The following HERC4 variants were observed in gnomAD, a reference collection of about 807,000 sequenced individuals.
The protein encoded by HERC4 is probable E3 ubiquitin-protein ligase HERC4.
In HERC4, 28 loss-of-function variants were observed where a neutral mutation model predicts 124.3. The ratio of observed to expected loss-of-function variants is 0.23; its 90% CI spans 0.17 to 0.31. The LOEUF (loss-of-function observed/expected upper bound fraction) is 0.31, where lower values mean the gene tolerates loss of function less well. HERC4 is among the 10% of genes least tolerant of loss of function. The pLI is 1.00. For synonymous variants in HERC4, 407 were observed against 421.5 expected (o/e 0.97, Z 0.42); for missense variants, 713 against 1,229.3 (o/e 0.58, Z 6.28).
chr10:68,041,832 C>T (rs1238187507), intron 4 of HERC4, among the ~76,000 whole-genome samples: 1 of 151,952 alleles, frequency 6.6e-6, no homozygotes, highest in East Asian at 1.9e-4. Context: ...TTGGTCTTTC[C>T]CAAAGTAGTG....
chr10:67,936,487 T>C (rs1291785950), intron 21 of HERC4, among the ~76,000 whole-genome samples: 1 of 152,192 alleles, frequency 6.6e-6, no homozygotes, highest in Non-Finnish European at 1.5e-5. Flanking sequence ...AACTAAGCAT[T>C]TGTTGTGCAT....
intron 15 of HERC4, 68 bp downstream of exon 15, chr10:67,988,595 A>G: frequency 9.8e-7 from 1 of 1,018,832 alleles, no homozygotes. Flanking sequence ...GATTAATGTT[A>G]AAATGAACAG....
intron 9 of HERC4, chr10:68,010,962 A>G (rs996773314): frequency 1.2e-5 from 11 of 935,428 alleles, no homozygotes; most frequent in Non-Finnish European, 1.8e-5. Context: ...TGTTATTTCC[A>G]CCATATCTAT....
chr10:67,932,022 A>G (rs1204080235), intron 23 of HERC4, among the ~76,000 whole-genome samples: 2 of 151,960 alleles, frequency 1.3e-5, no homozygotes, highest in African/African-American at 4.8e-5. Context: ...CAGTGGCACA[A>G]TCTCAGCTCA....
At chr10:67,940,190 T>G (rs2032756964) in intron 20 of HERC4, among the ~76,000 whole-genome samples, 1 of 152,142 alleles carries the variant, frequency 6.6e-6, no homozygotes, top group South Asian at 2.1e-4. Context: ...CCTCCCAAAG[T>G]GCTAGGATTA....
intron 7 of HERC4, among the ~76,000 whole-genome samples, chr10:68,029,092 T>C (rs1346591163): frequency 6.6e-6 from 1 of 152,078 alleles, no homozygotes; most frequent in Non-Finnish European, 1.5e-5. Context: ...GAGGACTGCT[T>C]AAGCCCAAGA....
chr10:67,952,397 C>T (rs905427348), intron 19 of HERC4, among the ~76,000 whole-genome samples: 46 of 152,082 alleles, frequency 3.0e-4, no homozygotes, highest in African/African-American at 1.0e-3. Context: ...GATTCTCCTG[C>T]CTCAGCTTTC....
chr10:68,064,485 C>T (rs1317132264), intron 3 of HERC4, among the ~76,000 whole-genome samples: 6 of 138,540 alleles, frequency 4.3e-5, no homozygotes, highest in Non-Finnish European at 7.5e-5. Context: ...ACCTGGGAGG[C>T]GGAGGTTGCT....
At chr10:68,057,070 A>G (rs2040584845) in intron 3 of HERC4, among the ~76,000 whole-genome samples, 1 of 152,188 alleles carries the variant, frequency 6.6e-6, no homozygotes, top group African/African-American at 2.4e-5. Context: ...TTTGTTCTCC[A>G]CAACTTAACA....
chr10:68,070,230 G>A, intron 3 of HERC4: 2 of 982,542 alleles, frequency 2.0e-6, no homozygotes, highest in Non-Finnish European at 2.4e-6. Context: ...TTGGGGAAAT[G>A]ACACAAATCA....
intron 5 of HERC4, among the ~76,000 whole-genome samples, chr10:68,036,110 C>T (rs1292952406): frequency 6.6e-6 from 1 of 151,610 alleles, no homozygotes; most frequent in Admixed American, 6.6e-5. Context: ...GTCAGGAGAT[C>T]GAGACCATCC....
At chr10:68,018,993 C>CTT (rs35817479) in intron 8 of HERC4, among the ~76,000 whole-genome samples, 17 of 88,012 alleles carry the variant, frequency 1.9e-4, no homozygotes, top group Admixed American at 4.2e-4. Context: ...AGCATTCTTT[C>CTT]TTTTTTTTTT....
intron 8 of HERC4, among the ~76,000 whole-genome samples, chr10:68,018,082 GA>G (rs1245059088): frequency 6.6e-6 from 1 of 151,666 alleles, no homozygotes; most frequent in Non-Finnish European, 1.5e-5. Flanking sequence ...AGAATAATAA[GA>G]AAAAAATTAT....
intron 21 of HERC4, among the ~76,000 whole-genome samples, chr10:67,937,229 TA>T (rs34673496): frequency 6.6e-6 from 1 of 151,854 alleles, no homozygotes. Context: ...TAAGGTATAT[TA>T]AAAAAAATAC....
At chr10:68,060,181 T>C (rs1473489116) in intron 3 of HERC4, among the ~76,000 whole-genome samples, 7 of 151,738 alleles carry the variant, frequency 4.6e-5, no homozygotes, top group African/African-American at 1.7e-4. Context: ...TTTACTGTTA[T>C]TATTTTTTTA....
At chr10:68,059,425 T>G (rs1306656470) in intron 3 of HERC4, among the ~76,000 whole-genome samples, 1 of 135,284 alleles carries the variant, frequency 7.4e-6, no homozygotes, top group African/African-American at 3.0e-5. Flanking sequence ...GGTTGTTTTG[T>G]TTCTCTCGCT....
intron 7 of HERC4, 73 bp from the exon 8 acceptor site, chr10:68,025,749 T>C: frequency 6.8e-7 from 1 of 1,468,450 alleles, no homozygotes; most frequent in South Asian, 1.4e-5. Flanking sequence ...GAAAAATAAG[T>C]CCAAATCTTT....
chr10:67,959,464 A>G (rs1247234122), intron 16 of HERC4, among the ~76,000 whole-genome samples: 2 of 148,690 alleles, frequency 1.3e-5, no homozygotes, highest in African/African-American at 4.9e-5. Context: ...GCTTGGTCTT[A>G]AAAAAAAAAA....
At chr10:67,969,709 A>G (rs997607683) in intron 15 of HERC4, among the ~76,000 whole-genome samples, 10 of 152,208 alleles carry the variant, frequency 6.6e-5, no homozygotes, top group South Asian at 2.1e-4. Context: ...TCAGAATCTT[A>G]TATCAGTAGG....
Sources: gnomAD v4.1 joint callset for allele counts (sites outside exome capture counted in the v4.1 genomes callset) on GRCh38, gnomAD v4.1.1 for gene constraint, MANE v1.5 for transcripts, NCBI Gene and HGNC (gene_info 2026-07-23, HGNC 2026-07-21) for gene names.